The following MLH3 variants were observed in gnomAD, a reference collection of about 807,000 sequenced individuals.
MLH3 encodes the protein mutL homolog 3.
In MLH3, 82 loss-of-function variants were observed where a neutral mutation model predicts 122.2. That is an observed-to-expected ratio of 0.67 (90% CI 0.56 to 0.81). The LOEUF (loss-of-function observed/expected upper bound fraction) is 0.81. MLH3 is among the 30% of genes least tolerant of loss of function. The pLI, the probability that MLH3 is intolerant of heterozygous loss-of-function variation, is 0.00. For missense variants in MLH3, 1,539 were observed against 1,714.5 expected, an observed-to-expected ratio of 0.90 and a Z score of 1.81; for synonymous variants, 524 against 599.5, an observed-to-expected ratio of 0.87 and a Z score of 1.84.
chr14:75,041,755 G>A (rs1891875072), intron 3 of MLH3, 55 bp from the exon 4 acceptor site: 3 of 1,275,820 alleles, frequency 2.4e-6, no homozygotes, highest in African/African-American at 1.5e-5. Context: ...GGAAAGGAGG[G>A]AATGGCATTT....
Position 75,047,890 on chromosome 14 carries a change from T to C in MLH3, c.1766A>G (p.Asn589Ser), listed in dbSNP as rs1892367423. 2 of 1,613,318 alleles carry C rather than the reference T, an allele frequency of 1.2e-6. No individual in the cohort carries two copies. The highest frequency in any genetic ancestry group is 1.3e-5 in the African/African-American group (1 of 74,876). ...ACTAAAAACATTTCTTCTTCCACAA[T>C]TGCTAGATTCTTTTTTTTTCTCTTT... Reference protein sequence around the residue: ...TEKEKKKESSNCGRRNVFSYG... With the variant: ...TEKEKKKESSSCGRRNVFSYG... Residue 589 changes from asparagine to serine, a missense_variant, in exon 2 of 13, where the codon AAT becomes AGT. By Grantham distance (46) the Asn-to-Ser change is conservative. Coordinates refer to ENST00000355774, the MANE Select transcript of MLH3 (RefSeq NM_001040108.2).
In MLH3 at chr14:75,049,035, T is replaced by C. The variant is rs576549315; in HGVS notation, c.621A>G (p.Val207=). 6.2e-7 allele frequency: 1 copy of C among 1,614,142 alleles called. No individual in the cohort carries two copies. Among genetic ancestry groups the C allele is most frequent in the South Asian group, 1.1e-5 (1 of 91,066 alleles). The change falls in exon 2 of 13, where the codon GTA becomes GTG. Residue 207 remains valine, a synonymous_variant. Transcript: ENST00000355774. ...MVLQLPKTKD[V]CSRFCQIYGL... ...CATAAATTTGACAAAATCGGGAACA[T>C]ACGTCTTTGGTTTTAGGGAGCTGAA...
At chr14:75,043,050 A>C (rs1891979346) in intron 2 of MLH3, among the ~76,000 whole-genome samples, 1 of 152,224 alleles carries the variant, frequency 6.6e-6, no homozygotes, top group Admixed American at 6.5e-5. Flanking sequence ...TGTTGGGATT[A>C]CAGGCGTGAG....
chr14:75,042,487 A>G lies in MLH3; in HGVS notation c.3281-10T>C. 1 of 1,599,372 alleles carries G rather than the reference A, an allele frequency of 6.3e-7. No individual in the cohort carries two copies. Among genetic ancestry groups the G allele is most frequent in the Non-Finnish European group, 8.6e-7 (1 of 1,166,506 alleles). ...CACCTGTACTGAGACCCTAAATATA[A>G]GAAAGAAAAACCTAGAAATGTGAAC... On this transcript the variant is annotated splice_polypyrimidine_tract_variant and intron_variant, in intron 2 of 12. Coordinates refer to ENST00000355774, the MANE Select transcript of MLH3 (RefSeq NM_001040108.2).
At chr14:75,043,055 C>T (rs28757005) in intron 2 of MLH3, among the ~76,000 whole-genome samples, 233 of 152,272 alleles carry the variant, frequency 1.5e-3, no homozygotes, top group African/African-American at 5.4e-3. Context: ...GGATTACAGG[C>T]GTGAGCCACT....
chr14:75,015,454 C>T lies in MLH3; in HGVS notation c.*1628G>A, dbSNP rs571716035. 14 of 180,158 alleles carry T rather than the reference C, an allele frequency of 7.8e-5. No homozygotes were observed. The South Asian group carries it at 2.8e-3, about 36-fold the overall frequency. The allele number at this position is 180,158 out of a possible 1,614,324, so 11.2% of individuals were successfully genotyped here. On this transcript the variant is annotated 3_prime_UTR_variant, in exon 13 of 13. Transcript: ENST00000355774. ...TTTAAAATCCCTCAAATTGGTCTGG[C>T]CTTAAAAGATTTTTACAACTCCCAG...
At chr14:75,028,781 AAC>A (rs1416728320) in intron 9 of MLH3, among the ~76,000 whole-genome samples, 3 of 152,014 alleles carry the variant, frequency 2.0e-5, no homozygotes, top group Admixed American at 1.3e-4. Context: ...CAATAATATA[AAC>A]AGTTGATTAA....
intron 2 of MLH3, among the ~76,000 whole-genome samples, chr14:75,044,014 A>G (rs946782892): frequency 6.6e-6 from 1 of 152,110 alleles, no homozygotes; most frequent in African/African-American, 2.4e-5. Flanking sequence ...GCTTGAACTC[A>G]GAAGGCGGAG....
At chr14:75,043,694 A>G (rs541746176) in intron 2 of MLH3, among the ~76,000 whole-genome samples, 2 of 152,394 alleles carry the variant, frequency 1.3e-5, no homozygotes, top group African/African-American at 4.8e-5. Flanking sequence ...TATAACTACA[A>G]TAGAAAGAAC....
At chr14:75,040,569 CACA>C (rs1485629552) in intron 4 of MLH3, among the ~76,000 whole-genome samples, 1 of 146,884 alleles carries the variant, frequency 6.8e-6, no homozygotes, top group Non-Finnish European at 1.5e-5. Context: ...AAAATTGTTT[CACA>C]ACAACAATTT....
Position 75,048,422 on chromosome 14 carries a change from T to C in MLH3, c.1234A>G (p.Lys412Glu), listed in dbSNP as rs61754769. ...EMFNLQSKAVKRKTTAENVNT... is the reference protein window; with the variant it reads ...EMFNLQSKAVERKTTAENVNT... ...ACGTTTTCTGCAGTAGTTTTTCTTT[T>C]CACAGCTTTTGACTGCAAATTAAAC... Residue 412 changes from lysine (K) to glutamate (E), a missense_variant, in exon 2 of 13, where the codon AAA becomes GAA. Transcript: ENST00000355774. 1,117 of 1,608,284 alleles carry C rather than the reference T, an allele frequency of 6.9e-4. 1 individual carries two copies. The highest frequency in any genetic ancestry group is 7.6e-4 in the Non-Finnish European group (901 of 1,178,100).
chr14:75,047,847 T>A lies in MLH3; in HGVS notation c.1809A>T (p.Leu603Phe). 6.2e-7 allele frequency: 1 copy of A among 1,613,100 alleles called. No homozygotes were observed. Among genetic ancestry groups the A allele is most frequent in the Non-Finnish European group, 8.5e-7 (1 of 1,179,772 alleles). ...RNVFSYGRVKLCSTGFITHVV... is the reference protein window; with the variant it reads ...RNVFSYGRVKFCSTGFITHVV... ...CATGAGTTATAAAGCCAGTGGAACA[T>A]AATTTAACTCGCCCATAACTAAAAA... is the stretch of plus-strand genomic sequence containing the variant. The change falls in exon 2 of 13, where the codon TTA becomes TTT. Residue 603 changes from leucine (L) to phenylalanine (F), a missense_variant. By Grantham distance (22) the Leu-to-Phe change is conservative (BLOSUM62 0). Transcript: ENST00000355774.
chr14:75,019,594 G>A (rs1421204166), intron 11 of MLH3, among the ~76,000 whole-genome samples: 2 of 152,064 alleles, frequency 1.3e-5, no homozygotes, highest in African/African-American at 4.8e-5. Context: ...TTTTCTCCAA[G>A]AGGCAAGAGC....
intron 6 of MLH3, chr14:75,036,634 G>GGC (rs1566590461): frequency 2.2e-6 from 1 of 455,856 alleles, no homozygotes; most frequent in Non-Finnish European, 4.4e-6. Context: ...GTGAGCCACC[G>GGC]TGCCTGGCCA....
intron 6 of MLH3, among the ~76,000 whole-genome samples, chr14:75,037,948 G>T (rs866405284): frequency 5.3e-5 from 8 of 152,222 alleles, no homozygotes; most frequent in African/African-American, 1.9e-4. Flanking sequence ...CGCCCAGGCT[G>T]GAGTGTAATA....
intron 5 of MLH3, 37 bp downstream of exon 5, chr14:75,039,874 T>TATATATAC (rs1371839198): frequency 2.5e-6 from 1 of 401,440 alleles, no homozygotes; most frequent in Non-Finnish European, 4.5e-6. Context: ...TATATATATA[T>TATATATAC]ATATATATTT....
chr14:75,050,647 G>A (rs539030689), intron 1 of MLH3, among the ~76,000 whole-genome samples: 55 of 152,240 alleles, frequency 3.6e-4, no homozygotes, highest in African/African-American at 1.3e-3. Context: ...TGATCCTCCC[G>A]CCTTGGCCTC....
intron 9 of MLH3, among the ~76,000 whole-genome samples, chr14:75,029,419 G>C (rs1053788947): frequency 1.3e-5 from 2 of 152,054 alleles, no homozygotes; most frequent in Admixed American, 1.3e-4. Flanking sequence ...CTTAATTTGA[G>C]CCATATCTAT....
At chr14:75,023,747 G>T (rs1036231952) in intron 9 of MLH3, among the ~76,000 whole-genome samples, 3 of 152,152 alleles carry the variant, frequency 2.0e-5, no homozygotes, top group Non-Finnish European at 4.4e-5. Context: ...CACATTTAAT[G>T]ATTTCTTTAT....
Sources: allele counts gnomAD v4.1 joint callset (sites outside exome capture counted in the v4.1 genomes callset), GRCh38; gene constraint gnomAD v4.1.1; transcripts MANE v1.5; gene names NCBI Gene and HGNC (gene_info 2026-07-23, HGNC 2026-07-21).